PID1: variants seen among roughly 807,000 people sequenced by gnomAD.
The protein encoded by PID1 is PTB-containing, cubilin and LRP1-interacting protein.
A neutral mutation model predicts 19.1 loss-of-function variants in PID1; 10 were observed. The ratio of observed to expected loss-of-function variants is 0.52; its 90% CI spans 0.32 to 0.89. The LOEUF is 0.89. Ranked by LOEUF, PID1 falls within the 40% of genes least tolerant of loss-of-function variation. The probability of loss-of-function intolerance (pLI) is 0.03; values close to 1 mark genes in which losing one functional copy is unlikely to be tolerated. For synonymous variants in PID1, 130 were observed against 116.0 expected (o/e 1.12, Z -0.78); for missense variants, 248 against 285.3 (o/e 0.87, Z 0.94).
intron 1 of PID1, among the ~76,000 whole-genome samples, chr2:229,246,803 C>T (rs759595561): frequency 6.6e-6 from 1 of 152,160 alleles, no homozygotes; most frequent in Non-Finnish European, 1.5e-5. Context: ...CTCTGCACAT[C>T]CGGTCTCCAG....
chr2:229,128,957 T>C (rs2106165610), intron 2 of PID1, among the ~76,000 whole-genome samples: 1 of 152,338 alleles, frequency 6.6e-6, no homozygotes, highest in East Asian at 1.9e-4. Context: ...CTCCATGATG[T>C]ACTTATTTCA....
chr2:229,085,180 C>T (rs1694740716), intron 2 of PID1, among the ~76,000 whole-genome samples: 1 of 151,270 alleles, frequency 6.6e-6, no homozygotes, highest in African/African-American at 2.4e-5. Context: ...ATGATAAACC[C>T]ATTGCATACA....
intron 1 of PID1, chr2:229,231,813 C>T: frequency 2.0e-6 from 3 of 1,495,698 alleles, no homozygotes; most frequent in Admixed American, 2.1e-5. Flanking sequence ...TTTTACCAAA[C>T]CTACTTCCCA....
chr2:229,059,038 T>C (rs1694159311), intron 2 of PID1, among the ~76,000 whole-genome samples: 5 of 152,174 alleles, frequency 3.3e-5, no homozygotes, highest in Admixed American at 3.3e-4. Flanking sequence ...TTCGAGATTC[T>C]TGAACACAAA....
chr2:229,029,561 G>C (rs953967704), intron 2 of PID1, among the ~76,000 whole-genome samples: 1 of 152,066 alleles, frequency 6.6e-6, no homozygotes, highest in African/African-American at 2.4e-5. Flanking sequence ...TCAAAGTAGA[G>C]GCCGGGCGCA....
intron 2 of PID1, among the ~76,000 whole-genome samples, chr2:229,132,760 T>C (rs996578524): frequency 2.6e-5 from 4 of 152,220 alleles, no homozygotes; most frequent in Non-Finnish European, 5.9e-5. Context: ...CAATATGTAA[T>C]TCCAAATGAT....
chr2:229,224,410 C>T (rs1470931541), intron 1 of PID1, among the ~76,000 whole-genome samples: 2 of 152,128 alleles, frequency 1.3e-5, no homozygotes, highest in Non-Finnish European at 2.9e-5. Context: ...CAAACAATGT[C>T]GGCTGTTTCC....
chr2:229,237,222 TG>T, intron 1 of PID1, among the ~76,000 whole-genome samples: 1 of 152,332 alleles, frequency 6.6e-6, no homozygotes, highest in African/African-American at 2.4e-5. Flanking sequence ...TTATTCTTTC[TG>T]TGAATATGTT....
Position 229,183,949 on chromosome 2 carries a change from A to T in PID1, c.31-27985T>A, listed in dbSNP as rs1691014744. Among the ~76,000 whole-genome samples the T allele has an allele frequency of 2.4e-5, 3 of 123,854 alleles. 1 individual carries two copies. In the South Asian group the frequency reaches 8.2e-4, roughly 34 times the overall value. The allele number at this position is 123,854 out of a possible 152,430, so 81.3% of individuals were successfully genotyped here. On this transcript the variant is annotated intron_variant, in intron 1 of 2. Coordinates refer to ENST00000392055, the MANE Select transcript of PID1 (RefSeq NM_001100818.2). ...TCCCCTATATATATCCCCTATATAT[A>T]TCCCCTATATATATCCCATATATAT...
At chr2:229,225,720 A>T (rs1574737994) in intron 1 of PID1, among the ~76,000 whole-genome samples, 1 of 152,212 alleles carries the variant, frequency 6.6e-6, no homozygotes, top group Non-Finnish European at 1.5e-5. Flanking sequence ...AGGCCTCAGG[A>T]AACTTACAAT....
At chr2:229,102,330 A>G (rs79894099) in intron 2 of PID1, among the ~76,000 whole-genome samples, 1 of 152,216 alleles carries the variant, frequency 6.6e-6, no homozygotes, top group Admixed American at 6.5e-5. Flanking sequence ...AAAAAAAAGT[A>G]AACAAATTTG....
chr2:229,204,389 CTAAGT>C lies in PID1; in HGVS notation c.31-48430_31-48426del, dbSNP rs1427255822. Among the ~76,000 whole-genome samples the C allele has an allele frequency of 3.3e-5, 5 of 152,158 alleles. No individual in the cohort carries two copies. In the East Asian group the frequency reaches 7.7e-4, roughly 24 times the overall value. On this transcript the variant is annotated intron_variant, in intron 1 of 2. Coordinates refer to ENST00000392055, the MANE Select transcript of PID1 (RefSeq NM_001100818.2). ...CCACTCTAGTATGATTAGACATATA[CTAAGT>C]TAATAGTTTGAAACATGGTAAAATG...
chr2:229,190,936 A>T (rs550161353), intron 1 of PID1, among the ~76,000 whole-genome samples: 1 of 152,304 alleles, frequency 6.6e-6, no homozygotes, highest in East Asian at 1.9e-4. Flanking sequence ...TTATGTGTAA[A>T]CCACAGATAA....
chr2:229,044,791 A>C (rs559869006), intron 2 of PID1, among the ~76,000 whole-genome samples: 1 of 152,288 alleles, frequency 6.6e-6, no homozygotes, highest in Non-Finnish European at 1.5e-5. Context: ...CTAAAGTGTA[A>C]ATTCCTAGAA....
At chr2:229,047,298 C>T (rs889472606) in intron 2 of PID1, among the ~76,000 whole-genome samples, 1 of 152,168 alleles carries the variant, frequency 6.6e-6, no homozygotes, top group Non-Finnish European at 1.5e-5. Context: ...ATCTGGCCCC[C>T]ACCCTGCTAG....
At chr2:229,162,920 TAAC>T (rs1302816119) in intron 1 of PID1, among the ~76,000 whole-genome samples, 1 of 152,226 alleles carries the variant, frequency 6.6e-6, no homozygotes, top group Non-Finnish European at 1.5e-5. Flanking sequence ...GCATTTATTC[TAAC>T]ATTTTTCACA....
At chr2:229,157,945 G>A (rs549405575) in intron 1 of PID1, among the ~76,000 whole-genome samples, 1 of 146,546 alleles carries the variant, frequency 6.8e-6, no homozygotes, top group African/African-American at 2.4e-5. Flanking sequence ...AGTGGTGAGA[G>A]AAAGTGCACG....
At chr2:229,128,305 T>C (rs1406601322) in intron 2 of PID1, among the ~76,000 whole-genome samples, 1 of 152,196 alleles carries the variant, frequency 6.6e-6, no homozygotes, top group Non-Finnish European at 1.5e-5. Flanking sequence ...AAAACCTAAA[T>C]AGAAAAAATA....
intron 2 of PID1, among the ~76,000 whole-genome samples, chr2:229,029,395 C>T (rs563003016): frequency 1.6e-4 from 24 of 150,696 alleles, no homozygotes; most frequent in South Asian, 8.4e-4. Flanking sequence ...AATACCACTT[C>T]GCACCTGTTA....
Sources: gnomAD v4.1 joint callset for allele counts (sites outside exome capture counted in the v4.1 genomes callset) on GRCh38, gnomAD v4.1.1 for gene constraint, MANE v1.5 for transcripts, NCBI Gene and HGNC (gene_info 2026-07-23, HGNC 2026-07-21) for gene names.